SZT2: variants seen among roughly 807,000 people sequenced by gnomAD.
The protein encoded by SZT2 is KICSTOR complex protein SZT2.
Under a neutral mutation model 404.2 loss-of-function variants are expected in SZT2, and 216 were observed. The observed-to-expected ratio is 0.53, with a 90% CI of 0.48 to 0.60. The LOEUF (loss-of-function observed/expected upper bound fraction) is 0.60. SZT2 is among the 20% of genes least tolerant of loss of function. The pLI is 0.00. For missense variants in SZT2, 3,857 were observed against 4,459.2 expected, an observed-to-expected ratio of 0.86 and a Z score of 3.85; for synonymous variants, 1,693 against 1,749.9, an observed-to-expected ratio of 0.97 and a Z score of 0.81.
At chr1:43,440,409 A>G (rs1654934626) in intron 51 of SZT2, 44 bp from the exon 52 acceptor site, 1 of 1,528,506 alleles carries the variant, frequency 6.5e-7, no homozygotes, top group African/African-American at 1.4e-5. Context: ...TAGAATGGGG[A>G]TTGATGATCA....
chr1:43,445,935 G>A lies in SZT2; in HGVS notation c.8867G>A (p.Gly2956Asp). The A allele has an allele frequency of 6.2e-7, 1 of 1,614,242 alleles. No homozygotes were observed. The highest frequency in any genetic ancestry group is 8.5e-7 in the Non-Finnish European group (1 of 1,180,048). ...GCCATGGCTATCCTTGGAACAGAGG[G>A]TCGAGGCTCCTTCTCCTGCCCTAAA... ...PRAMAILGTEGRGSFSCPKTK... is the reference protein window; with the variant it reads ...PRAMAILGTEDRGSFSCPKTK... Residue 2956 changes from glycine (G) to aspartate (D), a missense_variant, in exon 63 of 72, where the codon GGT becomes GAT. Physicochemically the swap from Gly to Asp is moderately conservative, Grantham distance 94. Transcript: ENST00000634258.
rs776635951 is a variant in SZT2 at position 43,425,144 on chromosome 1, A to G, written c.2582A>G (p.Glu861Gly). The change falls in exon 18 of 72, where the codon GAG (glutamate) becomes GGG (glycine). Residue 861 changes from glutamate (E) to glycine (G), a missense_variant. Transcript: ENST00000634258. The surrounding 1 kb of genome is among the most constrained non-coding windows in gnomAD (Gnocchi z 4.3). ...NEPPGQAAAE[E>G]KHTCVVQYIL... ...CCACCAGGGCAGGCTGCAGCTGAAG[A>G]GAAGCACACCTGTGTTGTCCAGTAC... The G allele has an allele frequency of 6.2e-7, 1 of 1,614,186 alleles. No individual in the cohort carries two copies. Among genetic ancestry groups the G allele is most frequent in the South Asian group, 1.1e-5 (1 of 91,084 alleles).
chr1:43,453,990 G>C lies in SZT2; in HGVS notation c.*3510G>C, dbSNP rs540831489. The C allele has an allele frequency of 2.4e-5, 28 of 1,184,886 alleles. 1 individual carries two copies. The highest frequency in any genetic ancestry group is 3.1e-6 in the Non-Finnish European group (3 of 958,184). 73.4% of individuals were successfully genotyped at this position (1,184,886 alleles called of 1,614,324 possible). On this transcript the variant is annotated 3_prime_UTR_variant, in exon 72 of 72. Transcript: ENST00000634258. ...CTACGGTTAGCGAGAGAGGGATCACGGGGAGAGGCGAAGGGGCGGAGCGAG... is the reference window on the plus strand; with the variant it reads ...CTACGGTTAGCGAGAGAGGGATCACCGGGAGAGGCGAAGGGGCGGAGCGAG...
At chr1:43,429,187 A>G (rs1448029374) in intron 28 of SZT2, 2 of 155,480 alleles carry the variant, frequency 1.3e-5, no homozygotes, top group Non-Finnish European at 2.9e-5. Flanking sequence ...ACTGGGAGTT[A>G]TCGCTACTCT....
At chr1:43,406,756 T>TTAC (rs1193838276) in intron 4 of SZT2, 1 of 152,266 alleles carries the variant, frequency 6.6e-6, no homozygotes, top group Non-Finnish European at 1.5e-5. Context: ...GCAGTACCAC[T>TTAC]TACTGGTTGT....
Position 43,443,764 on chromosome 1 carries a change from G to T in SZT2, c.8793G>T (p.Leu2931=). ...VQYLQSIGFV[L]VPLRPPSPAR... is the part of the protein sequence containing the mutation. ...ATCTGCAGAGCATAGGTTTTGTGCT[G>T]GTACCACTGCGGCCCCCCTCACCCG... Residue 2931 remains leucine, a synonymous_variant, in exon 62 of 72, where the codon CTG becomes CTT. Transcript: ENST00000634258. The T allele has an allele frequency of 3.1e-6, 5 of 1,613,966 alleles. No individual in the cohort carries two copies. Among genetic ancestry groups the T allele is most frequent in the Non-Finnish European group, 4.2e-6 (5 of 1,180,040 alleles).
Position 43,441,446 on chromosome 1 carries a change from T to C in SZT2, c.7512-58T>C. ...GTGAAGTCACAGATGGGCCTTGGTCTGTATAAACATACAAGTGTCATGTAT... is the reference window on the plus strand; with the variant it reads ...GTGAAGTCACAGATGGGCCTTGGTCCGTATAAACATACAAGTGTCATGTAT... On this transcript the variant is annotated intron_variant, in intron 53 of 71. Coordinates refer to ENST00000634258, the MANE Select transcript of SZT2 (RefSeq NM_001365999.1). This position sits in a 1 kb window ranked among gnomAD's most constrained non-coding sequence, Gnocchi z 4.8. 6.2e-7 allele frequency: 1 copy of C among 1,609,200 alleles called. No homozygotes were observed. The highest frequency in any genetic ancestry group is 8.5e-7 in the Non-Finnish European group (1 of 1,176,926).
In SZT2 at chr1:43,447,532, A is replaced by C; in HGVS notation, c.9287-13A>C. On this transcript the variant is annotated splice_polypyrimidine_tract_variant and intron_variant, in intron 66 of 71. Coordinates refer to ENST00000634258, the MANE Select transcript of SZT2 (RefSeq NM_001365999.1). ...GGCTTAGTGTCTGCTGTCTCCTGTT[A>C]CTTATCCCTCAGGGACATTGGAGCT... 1 of 1,612,868 alleles carries C rather than the reference A, an allele frequency of 6.2e-7. No individual in the cohort carries two copies. The highest frequency in any genetic ancestry group is 1.3e-5 in the African/African-American group (1 of 75,032).
chr1:43,416,992 G>T (rs540838959), intron 7 of SZT2, among the ~76,000 whole-genome samples: 11 of 152,334 alleles, frequency 7.2e-5, no homozygotes, highest in East Asian at 1.9e-4. Flanking sequence ...AAAAGGCATA[G>T]CCAGGGACTG....
chr1:43,417,061 C>A (rs1208896140), intron 7 of SZT2, among the ~76,000 whole-genome samples: 1 of 152,094 alleles, frequency 6.6e-6, no homozygotes, highest in Non-Finnish European at 1.5e-5. Context: ...GGAAACAAGG[C>A]TGAAGGGGTA....
intron 11 of SZT2, among the ~76,000 whole-genome samples, chr1:43,421,796 C>G (rs933346846): frequency 2.0e-5 from 3 of 152,218 alleles, no homozygotes; most frequent in Non-Finnish European, 4.4e-5. Flanking sequence ...GTCCTGCCAC[C>G]ATTTAGGGGC....
At position 43,452,181 on chromosome 1, in the gene SZT2, C is replaced by T. The variant is rs772308235; in HGVS notation, c.*1701C>T. ...GCACACCCACAGAGACATGTAAGTA[C>T]GTGTGTGTTTCCACCTTTCTCACCT... On this transcript the variant is annotated 3_prime_UTR_variant, in exon 72 of 72. Coordinates refer to ENST00000634258, the MANE Select transcript of SZT2 (RefSeq NM_001365999.1). 2.8e-5 allele frequency: 44 copies of T among 1,573,870 alleles called. No individual in the cohort carries two copies. Among genetic ancestry groups the T allele is most frequent in the Non-Finnish European group, 3.5e-5 (40 of 1,147,220 alleles).
chr1:43,452,531 C>T lies in SZT2; in HGVS notation c.*2051C>T, dbSNP rs978456838. Reference sequence around the variant, plus strand: ...CCCAGACATCTCAGTGTCCACCCACCGCCTCCTGCCTCCAGTACTTTCCAA... The same window carrying T: ...CCCAGACATCTCAGTGTCCACCCACTGCCTCCTGCCTCCAGTACTTTCCAA... On this transcript the variant is annotated 3_prime_UTR_variant, in exon 72 of 72. Transcript: ENST00000634258. The T allele has an allele frequency of 9.7e-5, 64 of 659,978 alleles. No individual in the cohort carries two copies. In the East Asian group the frequency reaches 1.2e-3, roughly 13 times the overall value. 40.9% of individuals were successfully genotyped at this position (659,978 alleles called of 1,614,324 possible).
Position 43,432,800 on chromosome 1 carries a change from G to A in SZT2, c.5602+1G>A. On this transcript the variant is annotated splice_donor_variant, in intron 39 of 71. Transcript: ENST00000634258. LOFTEE classifies it high-confidence loss of function. ...GGCAGTGTGGACTCAGACCACCTAG[G>A]TAAGCTGGGGGGACGGGGTGAAGGA... The A allele has an allele frequency of 1.2e-6, 2 of 1,613,692 alleles. No individual in the cohort carries two copies. The highest frequency in any genetic ancestry group is 1.7e-6 in the Non-Finnish European group (2 of 1,179,814).
chr1:43,427,973 G>T, intron 26 of SZT2, 30 bp from the exon 27 acceptor site: 3 of 1,593,016 alleles, frequency 1.9e-6, no homozygotes, highest in South Asian at 1.1e-5. Flanking sequence ...AAGGGAGTTG[G>T]TCAAGTTCCA....
chr1:43,410,885 T>C (rs1295294900), intron 4 of SZT2, among the ~76,000 whole-genome samples: 1 of 144,542 alleles, frequency 6.9e-6, no homozygotes, highest in Non-Finnish European at 1.5e-5. Flanking sequence ...GCAAGGCCTC[T>C]GAGGTGGGGT....
Position 43,403,203 on chromosome 1 carries a change from G to A in SZT2, c.54G>A (p.Leu18=). 6.2e-7 allele frequency: 1 copy of A among 1,614,196 alleles called. No homozygotes were observed. Among genetic ancestry groups the A allele is most frequent in the East Asian group, 2.2e-5 (1 of 44,884 alleles). ...PEVEEAGQVF[L]LMKKDYRISR... ...TGGAAGAAGCTGGGCAGGTGTTCCT[G>A]TTAATGAAAAAGGATTATCGAATCT... is the stretch of plus-strand genomic sequence containing the variant. Residue 18 remains leucine, a synonymous_variant, in exon 2 of 72, where the codon CTG becomes CTA. Coordinates refer to ENST00000634258, the MANE Select transcript of SZT2 (RefSeq NM_001365999.1).
At chr1:43,403,121 G>A in intron 1 of SZT2, 56 bp from the exon 2 acceptor site, 1 of 1,590,612 alleles carries the variant, frequency 6.3e-7, no homozygotes, top group South Asian at 1.1e-5. Flanking sequence ...TGATCTGTGT[G>A]TTCCAGGTAC....
Position 43,453,688 on chromosome 1 carries a change from C to A in SZT2, c.*3208C>A. 3 of 1,453,306 alleles carry A rather than the reference C, an allele frequency of 2.1e-6. No individual in the cohort carries two copies. The highest frequency in any genetic ancestry group is 2.7e-6 in the Non-Finnish European group (3 of 1,112,540). The allele number at this position is 1,453,306 out of a possible 1,614,324, so 90.0% of individuals were successfully genotyped here. ...GTCTCCGCGTACGGCCAGGCCACCT[C>A]GACGGCCTCGAAGCCCGAGCTGCCC... On this transcript the variant is annotated 3_prime_UTR_variant, in exon 72 of 72. Coordinates refer to ENST00000634258, the MANE Select transcript of SZT2 (RefSeq NM_001365999.1).
Sources: allele counts gnomAD v4.1 joint callset (sites outside exome capture counted in the v4.1 genomes callset), GRCh38; gene constraint gnomAD v4.1.1; non-coding constraint Gnocchi (gnomAD v3.1); transcripts MANE v1.5; gene names NCBI Gene and HGNC (gene_info 2026-07-23, HGNC 2026-07-21).